Variants in ABLIM1 observed in about 807,000 individuals in gnomAD.
ABLIM1 encodes actin-binding LIM protein 1.
ABLIM1 carries 40 observed loss-of-function variants against 107.0 expected under a neutral mutation model. That is an observed-to-expected ratio of 0.37 (90% CI 0.29 to 0.49). The LOEUF is 0.49. Among genes scored for constraint, ABLIM1 ranks in the 20% least tolerant of loss-of-function variants. The pLI, the probability that ABLIM1 is intolerant of heterozygous loss-of-function variation, is 0.97. For synonymous variants in ABLIM1, 357 were observed against 357.3 expected (o/e 1.00, Z 0.01); for missense variants, 857 against 1,008.5 (o/e 0.85, Z 2.04).
chr10:114,795,010 T>A, the ABLIM1 span, among the ~76,000 whole-genome samples: 1 of 152,172 alleles, frequency 6.6e-6, no homozygotes, highest in African/African-American at 2.4e-5. Flanking sequence ...ATTAATTTTT[T>A]AAAAAACTCC....
At chr10:114,472,894 G>T in intron 10 of ABLIM1, 83 bp downstream of exon 10, 1 of 1,363,562 alleles carries the variant, frequency 7.3e-7, no homozygotes, top group Non-Finnish European at 9.7e-7. Context: ...TGATTTACCT[G>T]AACTCCAAAT....
intron 1 of ABLIM1, among the ~76,000 whole-genome samples, chr10:114,610,275 G>A (rs548378031): frequency 2.6e-5 from 4 of 152,292 alleles, no homozygotes; most frequent in South Asian, 2.1e-4. Context: ...GGACCCTCTC[G>A]GCCACCTCCA....
intron 1 of ABLIM1, among the ~76,000 whole-genome samples, chr10:114,678,357 G>A (rs2080586127): frequency 1.3e-5 from 2 of 152,150 alleles, no homozygotes; most frequent in Non-Finnish European, 2.9e-5. Flanking sequence ...ATTGTTTTCT[G>A]ACTTCATTTC....
chr10:114,446,709 G>A (rs1263087933), intron 15 of ABLIM1, among the ~76,000 whole-genome samples: 10 of 152,152 alleles, frequency 6.6e-5, no homozygotes, highest in Non-Finnish European at 1.0e-4. Flanking sequence ...CTGCTTTAAT[G>A]TCCCAGTAAG....
chr10:114,779,461 A>G, the ABLIM1 span: 1 of 152,236 alleles, frequency 6.6e-6, no homozygotes, highest in African/African-American at 2.4e-5. Flanking sequence ...ATATCAATAC[A>G]TTTAAATTGT....
chr10:114,444,527 G>A (rs1397187183), intron 16 of ABLIM1, among the ~76,000 whole-genome samples: 1 of 151,796 alleles, frequency 6.6e-6, no homozygotes, highest in African/African-American at 2.4e-5. Flanking sequence ...AAGAAATAAA[G>A]GTAATACATG....
chr10:114,798,292 G>A, the ABLIM1 span, among the ~76,000 whole-genome samples: 11 of 151,922 alleles, frequency 7.2e-5, no homozygotes, highest in Middle Eastern at 3.4e-3. Flanking sequence ...GTGGTGGTGC[G>A]CGCCTGTAGT....
At chr10:114,467,497 T>A (rs1012815457) in intron 11 of ABLIM1, among the ~76,000 whole-genome samples, 1 of 152,178 alleles carries the variant, frequency 6.6e-6, no homozygotes, top group Admixed American at 6.5e-5. Context: ...TAGTTGTCTA[T>A]AACAATAAAT....
At chr10:114,468,055 T>C (rs1285244559) in intron 11 of ABLIM1, 126 bp downstream of exon 11, 5 of 819,292 alleles carry the variant, frequency 6.1e-6, no homozygotes, top group Non-Finnish European at 1.0e-5. Flanking sequence ...AAAGCCACCA[T>C]AACCCCACAT....
At chr10:114,708,230 G>T (rs1034879661) in intron 1 of ABLIM1, among the ~76,000 whole-genome samples, 1 of 152,156 alleles carries the variant, frequency 6.6e-6, no homozygotes, top group African/African-American at 2.4e-5. Flanking sequence ...GAAACAAAAC[G>T]ACCTCAACAG....
intron 1 of ABLIM1, among the ~76,000 whole-genome samples, chr10:114,741,817 T>C (rs995511901): frequency 6.6e-6 from 1 of 152,194 alleles, no homozygotes; most frequent in Non-Finnish European, 1.5e-5. Flanking sequence ...CAGAGATTGT[T>C]TGTTGTTAAG....
chr10:114,766,493 C>T (rs1434447951), intron 1 of ABLIM1, among the ~76,000 whole-genome samples: 1 of 152,146 alleles, frequency 6.6e-6, no homozygotes, highest in Non-Finnish European at 1.5e-5. Flanking sequence ...CATTTCACAT[C>T]CTCAGATAAA....
chr10:114,717,121 T>C (rs1480277905), intron 1 of ABLIM1, among the ~76,000 whole-genome samples: 1 of 152,074 alleles, frequency 6.6e-6, no homozygotes, highest in African/African-American at 2.4e-5. Context: ...CTACAGCAAA[T>C]AAGACAGGCC....
At chr10:114,641,607 G>T (rs1025237905) in intron 1 of ABLIM1, among the ~76,000 whole-genome samples, 3 of 152,224 alleles carry the variant, frequency 2.0e-5, no homozygotes, top group African/African-American at 4.8e-5. Context: ...GTTTTAAGTA[G>T]AGTAGTAGAG....
At chr10:114,799,515 T>A in the ABLIM1 span, among the ~76,000 whole-genome samples, 1 of 152,210 alleles carries the variant, frequency 6.6e-6, no homozygotes, top group Non-Finnish European at 1.5e-5. Context: ...TTACCAGTAT[T>A]TTCCACCATT....
the ABLIM1 span, among the ~76,000 whole-genome samples, chr10:114,797,291 C>T: frequency 6.6e-6 from 1 of 152,148 alleles, no homozygotes; most frequent in African/African-American, 2.4e-5. Flanking sequence ...ACTCATAGTC[C>T]CTTCTTCATA....
intron 12 of ABLIM1, among the ~76,000 whole-genome samples, chr10:114,457,304 C>G (rs560386813): frequency 3.3e-5 from 5 of 152,020 alleles, no homozygotes; most frequent in Non-Finnish European, 7.4e-5. Context: ...GAGTCTTGCT[C>G]TGTTGCCCAG....
At chr10:114,782,764 A>G in the ABLIM1 span, among the ~76,000 whole-genome samples, 1 of 152,240 alleles carries the variant, frequency 6.6e-6, no homozygotes, top group South Asian at 2.1e-4. Context: ...TTGGGCTGAA[A>G]GATGATGGTA....
chr10:114,796,915 TG>T, the ABLIM1 span, among the ~76,000 whole-genome samples: 1 of 152,330 alleles, frequency 6.6e-6, no homozygotes. Flanking sequence ...CATATCCTCA[TG>T]GGTGACCCAT....
Sources: gnomAD v4.1 joint callset for allele counts (sites outside exome capture counted in the v4.1 genomes callset) on GRCh38, gnomAD v4.1.1 for gene constraint, MANE v1.5 for transcripts, NCBI Gene and HGNC (gene_info 2026-07-23, HGNC 2026-07-21) for gene names.